FBXL17: variants seen among roughly 807,000 people sequenced by gnomAD.
FBXL17 encodes F-box and leucine rich repeat protein 17.
Under a neutral mutation model 66.2 loss-of-function variants are expected in FBXL17, and 22 were observed. The observed-to-expected ratio is 0.33, with a 90% CI of 0.24 to 0.47. The LOEUF is 0.47. FBXL17 is among the 20% of genes least tolerant of loss of function. FBXL17 has a pLI of 1.00. For synonymous variants in FBXL17, 474 were observed against 400.5 expected (o/e 1.18, Z -2.19); for missense variants, 878 against 948.2 (o/e 0.93, Z 0.97).
At chr5:108,153,763 C>T (rs1403927430) in intron 6 of FBXL17, among the ~76,000 whole-genome samples, 1 of 152,050 alleles carries the variant, frequency 6.6e-6, no homozygotes, top group Non-Finnish European at 1.5e-5. Flanking sequence ...ACACAGGGTT[C>T]AATCCATGAG....
intron 6 of FBXL17, among the ~76,000 whole-genome samples, chr5:108,026,043 C>A (rs1054498984): frequency 2.5e-4 from 38 of 152,138 alleles, no homozygotes; most frequent in African/African-American, 8.9e-4. Flanking sequence ...AGAAAATGCA[C>A]AATATAAAAG....
At chr5:108,164,423 G>A (rs574165810) in intron 6 of FBXL17, among the ~76,000 whole-genome samples, 1 of 152,174 alleles carries the variant, frequency 6.6e-6, no homozygotes, top group East Asian at 1.9e-4. Flanking sequence ...CCTCTTCTTA[G>A]GCTGTAGTTC....
At chr5:107,897,325 A>C (rs926523435) in intron 7 of FBXL17, among the ~76,000 whole-genome samples, 1 of 152,124 alleles carries the variant, frequency 6.6e-6, no homozygotes, top group Non-Finnish European at 1.5e-5. Context: ...TTTTGTGCAA[A>C]TGTAGTTGAA....
At chr5:108,272,057 G>T (rs1385399674) in intron 4 of FBXL17, among the ~76,000 whole-genome samples, 1 of 152,152 alleles carries the variant, frequency 6.6e-6, no homozygotes, top group Non-Finnish European at 1.5e-5. Context: ...TTGGGAGGCC[G>T]AGATGGGAGG....
chr5:108,032,233 G>A lies in FBXL17; in HGVS notation c.1746-11232C>T, dbSNP rs573205255. 9.3e-4 allele frequency among the ~76,000 whole-genome samples: 141 copies of A among 152,200 alleles called. 1 individual carries two copies. The South Asian group carries it at 0.013, about 15-fold the overall frequency. On this transcript the variant is annotated intron_variant, in intron 6 of 8. Transcript: ENST00000542267. Reference sequence around the variant, plus strand: ...AAACAGTAAGTTTATGTTAAATCAAGTCCATTTTTTTTTATTTAGCAAAAA... The same window carrying A: ...AAACAGTAAGTTTATGTTAAATCAAATCCATTTTTTTTTATTTAGCAAAAA...
intron 7 of FBXL17, among the ~76,000 whole-genome samples, chr5:107,983,388 C>A (rs1209363807): frequency 6.6e-6 from 1 of 151,548 alleles, no homozygotes; most frequent in Non-Finnish European, 1.5e-5. Flanking sequence ...GAGACAAGGT[C>A]TTGCTATGTT....
At chr5:108,012,958 C>T (rs899595999) in intron 7 of FBXL17, among the ~76,000 whole-genome samples, 2 of 143,778 alleles carry the variant, frequency 1.4e-5, no homozygotes, top group African/African-American at 5.2e-5. Flanking sequence ...GAGGTTGCGT[C>T]AGCCAAGATC....
At chr5:108,045,724 A>G (rs1747229236) in intron 6 of FBXL17, among the ~76,000 whole-genome samples, 1 of 152,178 alleles carries the variant, frequency 6.6e-6, no homozygotes, top group South Asian at 2.1e-4. Context: ...TCTTTCACCT[A>G]TGAATTATTT....
At chr5:107,967,398 T>C (rs1458452852) in intron 7 of FBXL17, among the ~76,000 whole-genome samples, 1 of 151,880 alleles carries the variant, frequency 6.6e-6, no homozygotes, top group Non-Finnish European at 1.5e-5. Flanking sequence ...GCTAAGTTTA[T>C]ATACCCTTCT....
At chr5:108,211,591 G>C (rs867391718) in intron 5 of FBXL17, among the ~76,000 whole-genome samples, 9 of 152,136 alleles carry the variant, frequency 5.9e-5, no homozygotes, top group African/African-American at 1.9e-4. Flanking sequence ...ATGAAGCTTA[G>C]TTTGGCTGGA....
chr5:108,090,923 T>C (rs1418603725), intron 6 of FBXL17, among the ~76,000 whole-genome samples: 3 of 140,394 alleles, frequency 2.1e-5, no homozygotes, highest in Non-Finnish European at 3.1e-5. Flanking sequence ...CATGAATACA[T>C]AGTCACTATC....
chr5:108,107,767 G>A (rs1230336618), intron 6 of FBXL17, among the ~76,000 whole-genome samples: 1 of 143,944 alleles, frequency 6.9e-6, no homozygotes, highest in East Asian at 2.1e-4. Context: ...AGCTGAGATG[G>A]CACCACTGCA....
At chr5:107,882,884 T>G (rs1015031833) in intron 7 of FBXL17, among the ~76,000 whole-genome samples, 1 of 152,164 alleles carries the variant, frequency 6.6e-6, no homozygotes, top group Non-Finnish European at 1.5e-5. Context: ...TTCATTGAGG[T>G]CTGAGGCTAG....
intron 6 of FBXL17, among the ~76,000 whole-genome samples, chr5:108,133,901 T>G (rs1467231462): frequency 6.6e-6 from 1 of 152,132 alleles, no homozygotes; most frequent in Non-Finnish European, 1.5e-5. Context: ...CAGTAGGTAT[T>G]CAGTAAATAC....
chr5:108,213,329 C>T (rs563565168), intron 5 of FBXL17, among the ~76,000 whole-genome samples: 1 of 152,128 alleles, frequency 6.6e-6, no homozygotes, highest in Non-Finnish European at 1.5e-5. Context: ...GTTCCAGGCC[C>T]CAATGAGGCA....
chr5:108,008,737 G>A (rs966755195), intron 7 of FBXL17, among the ~76,000 whole-genome samples: 1 of 151,964 alleles, frequency 6.6e-6, no homozygotes, highest in Non-Finnish European at 1.5e-5. Context: ...CCCTATACAA[G>A]TGCCTGCTCC....
chr5:107,914,767 T>C (rs780659115), intron 7 of FBXL17, among the ~76,000 whole-genome samples: 6 of 152,210 alleles, frequency 3.9e-5, no homozygotes, highest in Non-Finnish European at 5.9e-5. Context: ...AAAGTCTGCC[T>C]GAGAATAACA....
At chr5:107,906,365 C>T (rs940101168) in intron 7 of FBXL17, among the ~76,000 whole-genome samples, 8 of 152,068 alleles carry the variant, frequency 5.3e-5, no homozygotes, top group African/African-American at 1.9e-4. Flanking sequence ...AACAATATAG[C>T]ACCCACTGTT....
chr5:107,937,772 C>T (rs1413829277), intron 7 of FBXL17, among the ~76,000 whole-genome samples: 1 of 152,086 alleles, frequency 6.6e-6, no homozygotes, highest in African/African-American at 2.4e-5. Context: ...CGGCAGAATC[C>T]TACACACCTC....
Sources: gnomAD v4.1 joint callset for allele counts (sites outside exome capture counted in the v4.1 genomes callset) on GRCh38, gnomAD v4.1.1 for gene constraint, MANE v1.5 for transcripts, NCBI Gene and HGNC (gene_info 2026-07-23, HGNC 2026-07-21) for gene names.